The following GOLGA8B variants were observed in gnomAD, a reference collection of about 807,000 sequenced individuals.
The protein encoded by GOLGA8B is golgin subfamily A member 8B.
GOLGA8B carries 1 observed loss-of-function variant against 15.6 expected under a neutral mutation model. The observed-to-expected ratio is 0.06, with a 90% confidence interval of 0.02 to 0.30. The LOEUF (loss-of-function observed/expected upper bound fraction) is 0.30. Ranked by LOEUF, GOLGA8B falls within the 10% of genes least tolerant of loss-of-function variation. The pLI, the probability that GOLGA8B is intolerant of heterozygous loss-of-function variation, is 1.00. For synonymous variants in GOLGA8B, 9 were observed against 80.3 expected, an observed-to-expected ratio of 0.11 and a Z score of 4.75; for missense variants, 17 against 201.3, an observed-to-expected ratio of 0.08 and a Z score of 5.54.
rs1177983305 is a variant in GOLGA8B, at chr15:34,526,357, T to C, written c.*1275A>G. Reference sequence around the variant, plus strand: ...AAGTACTCTCACATATATTAGTTTATAATAATGTTTGTTATTATTTTCTAA... The same window carrying C: ...AAGTACTCTCACATATATTAGTTTACAATAATGTTTGTTATTATTTTCTAA... On this transcript the variant is annotated 3_prime_UTR_variant, in exon 24 of 24. Coordinates refer to ENST00000683415, the MANE Select transcript of GOLGA8B (RefSeq NM_001023567.5). 6.7e-6 allele frequency: 1 copy of C among 149,618 alleles called. No individual in the cohort carries two copies. The highest frequency in any genetic ancestry group is 1.5e-5 in the Non-Finnish European group (1 of 67,320). 9.3% of individuals were successfully genotyped at this position (149,618 alleles called of 1,614,324 possible). A position where few individuals can be genotyped will look rare whatever the true frequency, so the allele number is the denominator to read the frequency against.
chr15:34,555,298 T>C (rs1595702929), intron 1 of GOLGA8B, among the ~76,000 whole-genome samples: 1 of 33,630 alleles, frequency 3.0e-5, no homozygotes, highest in Non-Finnish European at 5.0e-5. Context: ...CTCTCCCCCC[T>C]CCCACCTCTC....
Position 34,572,935 on chromosome 15 carries a change from G to A in GOLGA8B, c.-1123+10581C>T, listed in dbSNP as rs185098441. On this transcript the variant is annotated intron_variant, in intron 1 of 23. Transcript: ENST00000683415. ...TTCTCCAGAGATACAAGATAATTGC[G>A]AGAAGGCAAAATTTTTTAAAACAGA... 3.3e-5 allele frequency among the ~76,000 whole-genome samples: 5 copies of A among 152,260 alleles called. No homozygotes were observed. The East Asian group carries it at 7.7e-4, about 23-fold the overall frequency.
At chr15:34,577,988 T>C (rs142987271) in intron 1 of GOLGA8B, among the ~76,000 whole-genome samples, 2 of 152,344 alleles carry the variant, frequency 1.3e-5, no homozygotes, top group East Asian at 3.9e-4. Context: ...AGCCCCATGA[T>C]ATTCTTATGG....
At position 34,578,351 on chromosome 15, in the gene GOLGA8B, C is replaced by T. The variant is rs112629691; in HGVS notation, c.-1123+5165G>A. 4.6e-3 allele frequency among the ~76,000 whole-genome samples: 701 copies of T among 152,324 alleles called. 4 individuals are homozygous for T. The highest frequency in any genetic ancestry group is 0.016 in the African/African-American group (659 of 41,558). On this transcript the variant is annotated intron_variant, in intron 1 of 23. Coordinates refer to ENST00000683415, the MANE Select transcript of GOLGA8B (RefSeq NM_001023567.5). ...CATCTGTGGCATTTCCATAACTCTCCGATGCCAGCCATCAGTCTCTCAGCA... is the reference window on the plus strand; with the variant it reads ...CATCTGTGGCATTTCCATAACTCTCTGATGCCAGCCATCAGTCTCTCAGCA...
rs16954482 is a variant in GOLGA8B at position 34,526,765 on chromosome 15, C to T, written c.*867G>A. The stretch of plus-strand genomic sequence containing the variant: ...AATGCTCTAAGCTAGGAAAGGTTTT[C>T]CACATCCACAGCCAACGATGGCAGC... On this transcript the variant is annotated 3_prime_UTR_variant, in exon 24 of 24. Transcript: ENST00000683415. 2.0e-5 allele frequency: 3 copies of T among 149,408 alleles called. No individual in the cohort carries two copies. Among genetic ancestry groups the T allele is most frequent in the African/African-American group, 7.4e-5 (3 of 40,414 alleles). 9.3% of individuals were successfully genotyped at this position (149,408 alleles called of 1,614,324 possible). A position where few individuals can be genotyped will look rare whatever the true frequency, so the allele number is the denominator to read the frequency against.
At chr15:34,578,460 C>A (rs1419590191) in intron 1 of GOLGA8B, among the ~76,000 whole-genome samples, 2 of 152,124 alleles carry the variant, frequency 1.3e-5, no homozygotes, top group African/African-American at 4.8e-5. Context: ...AAATCTGATA[C>A]AAAATGGGCC....
chr15:34,581,437 G>A (rs1034738242), intron 1 of GOLGA8B: 1 of 152,224 alleles, frequency 6.6e-6, no homozygotes, highest in African/African-American at 2.4e-5. Flanking sequence ...TAAGCTTCCA[G>A]GGGTGTGATC....
chr15:34,569,555 G>A (rs1237653636), intron 1 of GOLGA8B, among the ~76,000 whole-genome samples: 2 of 151,630 alleles, frequency 1.3e-5, no homozygotes, highest in Non-Finnish European at 2.9e-5. Context: ...CCAAGTCCCC[G>A]AGCATCAGTA....
chr15:34,581,278 C>T (rs1889225400), intron 1 of GOLGA8B, among the ~76,000 whole-genome samples: 1 of 152,186 alleles, frequency 6.6e-6, no homozygotes, highest in Non-Finnish European at 1.5e-5. Flanking sequence ...AGGTTCAACC[C>T]CCACTCTCCC....
At chr15:34,563,828 C>T (rs1301061072) in intron 1 of GOLGA8B, among the ~76,000 whole-genome samples, 1 of 144,144 alleles carries the variant, frequency 6.9e-6, no homozygotes, top group African/African-American at 2.5e-5. Flanking sequence ...TTGAATCATC[C>T]TTGTATTCCT....
chr15:34,578,059 T>C (rs1889130816), intron 1 of GOLGA8B, among the ~76,000 whole-genome samples: 1 of 152,222 alleles, frequency 6.6e-6, no homozygotes, highest in Non-Finnish European at 1.5e-5. Flanking sequence ...TGACAGTACA[T>C]ATGTATCTCA....
intron 1 of GOLGA8B, among the ~76,000 whole-genome samples, chr15:34,576,654 T>C (rs1436803650): frequency 6.6e-6 from 1 of 152,240 alleles, no homozygotes; most frequent in African/African-American, 2.4e-5. Flanking sequence ...TTTCACCCAA[T>C]GCCATTCCCG....
chr15:34,577,456 GAATC>G (rs956124473), intron 1 of GOLGA8B, among the ~76,000 whole-genome samples: 10 of 151,324 alleles, frequency 6.6e-5, no homozygotes, highest in African/African-American at 2.2e-4. Flanking sequence ...CCTTGCTGGA[GAATC>G]AATTCCAGGA....
chr15:34,567,706 G>A lies in GOLGA8B; in HGVS notation c.-1122-13750C>T, dbSNP rs770441356. 1.5e-3 allele frequency among the ~76,000 whole-genome samples: 232 copies of A among 151,918 alleles called. 1 individual carries two copies. The highest frequency in any genetic ancestry group is 2.8e-3 in the Non-Finnish European group (191 of 68,008). Reference sequence around the variant, plus strand: ...TCCTCAGTGATACCCAGGAAATGACGCACACGGGCAGATATTAAACCCACC... The same window carrying A: ...TCCTCAGTGATACCCAGGAAATGACACACACGGGCAGATATTAAACCCACC... On this transcript the variant is annotated intron_variant, in intron 1 of 23. Coordinates refer to ENST00000683415, the MANE Select transcript of GOLGA8B (RefSeq NM_001023567.5).
intron 1 of GOLGA8B, among the ~76,000 whole-genome samples, chr15:34,582,272 T>G (rs1196304437): frequency 1.3e-5 from 2 of 152,248 alleles, no homozygotes; most frequent in Non-Finnish European, 2.9e-5. Flanking sequence ...AAAAGCCACC[T>G]GCAGGCTCCT....
chr15:34,575,017 A>G (rs1863496), intron 1 of GOLGA8B: 54,984 of 151,116 alleles, frequency 0.36, 10,422 homozygotes, highest in Admixed American at 0.45. Context: ...CTGCAGAGGC[A>G]TCTGCAGCCC....
chr15:34,525,683 T>G lies in GOLGA8B; in HGVS notation c.*1949A>C, dbSNP rs1356886939. 1.3e-5 allele frequency: 2 copies of G among 150,068 alleles called. No individual in the cohort carries two copies. Among genetic ancestry groups the G allele is most frequent in the African/African-American group, 2.5e-5 (1 of 40,580 alleles). The allele number at this position is 150,068 out of a possible 1,614,324, so 9.3% of individuals were successfully genotyped here. A position where few individuals can be genotyped will look rare whatever the true frequency, so the allele number is the denominator to read the frequency against. On this transcript the variant is annotated 3_prime_UTR_variant, in exon 24 of 24. Transcript: ENST00000683415. The stretch of plus-strand genomic sequence containing the variant: ...GTCTAATATTTTTTCTTTATTATTC[T>G]GAAACTGGGTTTATCTAATACATTG...
rs185685651 is a variant in GOLGA8B at position 34,527,326 on chromosome 15, G to A, written c.*306C>T. On this transcript the variant is annotated 3_prime_UTR_variant, in exon 24 of 24. Coordinates refer to ENST00000683415, the MANE Select transcript of GOLGA8B (RefSeq NM_001023567.5). ...CAGCGAGAACAGTTTTGTGCAAAGA[G>A]TGGGTCTTTGTGTGTTTGAACTCCC... 6,743 of 402,430 alleles carry A rather than the reference G, an allele frequency of 0.017. 438 individuals are homozygous for A. Among genetic ancestry groups the A allele is most frequent in the South Asian group, 0.025 (1,018 of 41,450 alleles). 24.9% of individuals were successfully genotyped at this position (402,430 alleles called of 1,614,324 possible). A position where few individuals can be genotyped will look rare whatever the true frequency, so the allele number is the denominator to read the frequency against.
At chr15:34,577,871 C>G (rs1166140444) in intron 1 of GOLGA8B, among the ~76,000 whole-genome samples, 1 of 152,178 alleles carries the variant, frequency 6.6e-6, no homozygotes, top group Non-Finnish European at 1.5e-5. Flanking sequence ...AGTCTGTACA[C>G]TAGTGCAGAC....
Sources: allele counts gnomAD v4.1 joint callset (sites outside exome capture counted in the v4.1 genomes callset), GRCh38; gene constraint gnomAD v4.1.1; transcripts MANE v1.5; gene names NCBI Gene and HGNC (gene_info 2026-07-23, HGNC 2026-07-21).